Variants in SYNE2 observed in about 807,000 individuals in gnomAD.
SYNE2 encodes the protein nesprin-2.
A neutral mutation model predicts 856.3 loss-of-function variants in SYNE2; 431 were observed. That is an observed-to-expected ratio of 0.50 (90% CI 0.47 to 0.55). The LOEUF (loss-of-function observed/expected upper bound fraction) is 0.55, where lower values mean the gene tolerates loss of function less well. Ranked by LOEUF, SYNE2 falls within the 20% of genes least tolerant of loss-of-function variation. SYNE2 has a pLI of 0.00. For missense variants in SYNE2, 8,129 were observed against 8,023.2 expected (o/e 1.01, Z -0.50); for synonymous variants, 2,923 against 2,872.3 (o/e 1.02, Z -0.56).
intron 103 of SYNE2, among the ~76,000 whole-genome samples, chr14:64,210,366 G>A (rs1475984138): frequency 6.6e-6 from 1 of 152,224 alleles, no homozygotes; most frequent in East Asian, 1.9e-4. Context: ...CCAACGCACA[G>A]CTCTTTTTAC....
chr14:63,830,981 C>T (rs1889647572), intron 1 of SYNE2, among the ~76,000 whole-genome samples: 1 of 151,432 alleles, frequency 6.6e-6, no homozygotes. Flanking sequence ...TCTGGGATTA[C>T]AGGCACCTGC....
chr14:63,996,398 T>TC (rs2096714215), intron 23 of SYNE2, among the ~76,000 whole-genome samples: 1 of 152,082 alleles, frequency 6.6e-6, no homozygotes, highest in African/African-American at 2.4e-5. Context: ...TGTCACCAGT[T>TC]CCCCATACCC....
intron 34 of SYNE2, 82 bp downstream of exon 34, chr14:64,017,838 T>C: frequency 7.3e-7 from 1 of 1,377,858 alleles, no homozygotes; most frequent in East Asian, 2.4e-5. Context: ...CAACAAACAT[T>C]AGGATGCTCA....
In SYNE2 at chr14:64,002,197, A is replaced by G; in HGVS notation, c.3786+116A>G. The G allele has an allele frequency of 1.4e-5, 13 of 955,134 alleles. No homozygotes were observed. The South Asian group carries it at 1.8e-4, about 13-fold the overall frequency. The allele number at this position is 955,134 out of a possible 1,614,324, so 59.2% of individuals were successfully genotyped here. The stretch of plus-strand genomic sequence containing the variant: ...GCATAGATTAAGAGTATAAGCCATG[A>G]CAGTTTTTTTTTCAGTAATTTAGAC... On this transcript the variant is annotated intron_variant, in intron 29 of 115. Coordinates refer to ENST00000555002, the MANE Select transcript of SYNE2 (RefSeq NM_182914.3).
At position 63,982,630 on chromosome 14, in the gene SYNE2, G is replaced by A. The variant is rs761093953; in HGVS notation, c.1837G>A (p.Val613Ile). The change falls in exon 17 of 116, where the codon GTA becomes ATA. Residue 613 changes from valine (V) to isoleucine (I), a missense_variant and splice_region_variant. Val to Ile is a conservative substitution (Grantham distance 29). Transcript: ENST00000555002. ...AGTGTGTTGCTTGTGTATCATGTAG[G>A]TACCCTTTGAGACACTAGCCCAGTG... ...EETKKEEIKE[V>I]PFETLAQWNL... The A allele has an allele frequency of 1.3e-5, 21 of 1,613,628 alleles. No homozygotes were observed. The highest frequency in any genetic ancestry group is 1.7e-5 in the Admixed American group (1 of 59,988).
At chr14:63,810,993 T>C (rs2139826167) in intron 1 of SYNE2, among the ~76,000 whole-genome samples, 1 of 151,890 alleles carries the variant, frequency 6.6e-6, no homozygotes, top group South Asian at 2.1e-4. Flanking sequence ...CGCCACCACC[T>C]CCAGCTAATT....
intron 45 of SYNE2, among the ~76,000 whole-genome samples, chr14:64,040,628 A>G (rs2097141598): frequency 6.8e-6 from 1 of 147,696 alleles, no homozygotes; most frequent in Non-Finnish European, 1.5e-5. Context: ...ATATACATAT[A>G]TATGTATATA....
rs2095419504 is a variant in SYNE2, at chr14:63,907,250, T to C, written c.-51-1848T>C. Among the ~76,000 whole-genome samples the C allele has an allele frequency of 2.0e-5, 3 of 152,218 alleles. No individual in the cohort carries two copies. In the South Asian group the frequency reaches 6.2e-4, roughly 32 times the overall value. On this transcript the variant is annotated intron_variant, in intron 1 of 115. Coordinates refer to ENST00000555002, the MANE Select transcript of SYNE2 (RefSeq NM_182914.3). ...TCTTGAGAGTGGCATCCAGCTTATA[T>C]AATTATTTGTTGTGCAAATGAATGA...
At chr14:63,901,031 G>A (rs1273468037) in intron 1 of SYNE2, among the ~76,000 whole-genome samples, 5 of 152,208 alleles carry the variant, frequency 3.3e-5, no homozygotes, top group African/African-American at 1.2e-4. Flanking sequence ...GAAATAACGT[G>A]AATGCTACAT....
At chr14:64,115,694 C>T (rs544045378) in intron 66 of SYNE2, among the ~76,000 whole-genome samples, 2 of 152,288 alleles carry the variant, frequency 1.3e-5, no homozygotes, top group East Asian at 3.9e-4. Flanking sequence ...TTCTGACCTG[C>T]TTTGAAGAAA....
intron 11 of SYNE2, among the ~76,000 whole-genome samples, chr14:63,973,203 G>A (rs1481397791): frequency 1.3e-5 from 2 of 152,132 alleles, no homozygotes; most frequent in Admixed American, 6.5e-5. Flanking sequence ...TCAGTGAGCC[G>A]AGATATGTAT....
intron 49 of SYNE2, among the ~76,000 whole-genome samples, chr14:64,059,378 T>A (rs2097298438): frequency 1.3e-5 from 2 of 152,186 alleles, no homozygotes; most frequent in African/African-American, 2.4e-5. Context: ...TCATATCTGC[T>A]TACAGGATAC....
At chr14:63,881,168 AG>A (rs1290897727) in intron 1 of SYNE2, among the ~76,000 whole-genome samples, 1 of 151,190 alleles carries the variant, frequency 6.6e-6, no homozygotes, top group African/African-American at 2.4e-5. Flanking sequence ...TTGTAGAGAC[AG>A]GTTTTCTGTG....
intron 70 of SYNE2, among the ~76,000 whole-genome samples, chr14:64,122,749 A>G (rs186724735): frequency 6.6e-6 from 1 of 152,314 alleles, no homozygotes; most frequent in African/African-American, 2.4e-5. Flanking sequence ...CACCGTACCT[A>G]GGACATCACA....
chr14:64,188,685 G>A lies in SYNE2; in HGVS notation c.17848G>A (p.Glu5950Lys). 1 of 1,614,166 alleles carries A rather than the reference G, an allele frequency of 6.2e-7. No individual in the cohort carries two copies. Among genetic ancestry groups the A allele is most frequent in the South Asian group, 1.1e-5 (1 of 91,084 alleles). ...VLQTADISIE[E>K]MIEKLQKDCM... ...ACAGACAGCGGACATTAGTATTGAA[G>A]AAATGATTGAAAAGTTACAGAAGGT... Residue 5950 changes from glutamate to lysine, a missense_variant, in exon 98 of 116, where the codon GAA becomes AAA. By Grantham distance (56) the Glu-to-Lys change is moderately conservative. Around this residue, in one of 3 missense-constraint regions of SYNE2, gnomAD observed 5,410 missense variants for 5,284.8 expected, o/e 1.02. Coordinates refer to ENST00000555002, the MANE Select transcript of SYNE2 (RefSeq NM_182914.3).
At chr14:63,844,274 C>T (rs1008972300) in intron 1 of SYNE2, among the ~76,000 whole-genome samples, 2 of 152,200 alleles carry the variant, frequency 1.3e-5, no homozygotes, top group African/African-American at 2.4e-5. Context: ...TGGAGTCATA[C>T]AGTACGTGGA....
At chr14:64,204,715 G>C (rs565749670) in intron 100 of SYNE2, among the ~76,000 whole-genome samples, 236 of 152,114 alleles carry the variant, frequency 1.6e-3, no homozygotes, top group African/African-American at 5.5e-3. Context: ...AATGGAATTG[G>C]TGTTCAGGAC....
chr14:64,177,915 A>G (rs1596010877), intron 96 of SYNE2, among the ~76,000 whole-genome samples: 1 of 152,236 alleles, frequency 6.6e-6, no homozygotes, highest in Non-Finnish European at 1.5e-5. Context: ...TTATAAAACC[A>G]TCCAAACTAT....
chr14:63,815,899 A>AACCTTTGT (rs771484543), intron 1 of SYNE2, among the ~76,000 whole-genome samples: 46 of 151,676 alleles, frequency 3.0e-4, no homozygotes, highest in Non-Finnish European at 4.7e-4. Context: ...TCCAACCATT[A>AACCTTTGT]ACCTTTGTTT....
Sources: gnomAD v4.1 joint callset for allele counts (sites outside exome capture counted in the v4.1 genomes callset) on GRCh38, gnomAD v4.1.1 for gene constraint, gnomAD v4.1.1 regional missense constraint, MANE v1.5 for transcripts, NCBI Gene and HGNC (gene_info 2026-07-23, HGNC 2026-07-21) for gene names.